TLE4: variants seen among roughly 807,000 people sequenced by gnomAD.
TLE4 encodes transducin-like enhancer protein 4.
A neutral mutation model predicts 92.8 loss-of-function variants in TLE4; 8 were observed. The observed-to-expected ratio is 0.09, with a 90% CI of 0.05 to 0.16. TLE4 has a LOEUF of 0.16. TLE4 is among the 10% of genes least tolerant of loss of function. The pLI, the probability that TLE4 is intolerant of heterozygous loss-of-function variation, is 1.00. For missense variants in TLE4, 675 were observed against 997.6 expected, an observed-to-expected ratio of 0.68 and a Z score of 4.36; for synonymous variants, 371 against 374.1, an observed-to-expected ratio of 0.99 and a Z score of 0.10.
chr9:79,664,292 T>C (rs970732596), intron 8 of TLE4, among the ~76,000 whole-genome samples: 3 of 152,236 alleles, frequency 2.0e-5, no homozygotes, highest in Non-Finnish European at 4.4e-5. Context: ...AAAATTTTTC[T>C]AGTAAATCTG....
chr9:79,724,774 A>G (rs928711525), intron 19 of TLE4, among the ~76,000 whole-genome samples: 2 of 144,236 alleles, frequency 1.4e-5, no homozygotes, highest in Non-Finnish European at 3.0e-5. Context: ...TTGAGCTCAG[A>G]AGGTCGAGGC....
chr9:79,719,011 A>G (rs1294147295), intron 15 of TLE4, 40 bp downstream of exon 15: 1 of 1,574,068 alleles, frequency 6.4e-7, no homozygotes, highest in East Asian at 2.3e-5. Context: ...ACTTTCATTC[A>G]GAAAACAGGA....
chr9:79,652,457 G>T (rs1334492771), intron 6 of TLE4, 136 bp from the exon 7 acceptor site: 1 of 887,654 alleles, frequency 1.1e-6, no homozygotes, highest in Non-Finnish European at 1.8e-6. Flanking sequence ...AAAGTGCTGG[G>T]ATTACAGGCG....
intron 11 of TLE4, among the ~76,000 whole-genome samples, chr9:79,707,506 A>G (rs986329120): frequency 6.6e-6 from 1 of 152,258 alleles, no homozygotes; most frequent in Non-Finnish European, 1.5e-5. Flanking sequence ...ATTTAAAAAA[A>G]GAATAAAAAG....
At chr9:79,582,110 A>G (rs561790238) in intron 4 of TLE4, among the ~76,000 whole-genome samples, 16 of 152,190 alleles carry the variant, frequency 1.1e-4, no homozygotes, top group South Asian at 2.1e-4. Context: ...GTTAATCACC[A>G]TCTTGTGGGC....
intron 16 of TLE4, 31 bp from the exon 17 acceptor site, chr9:79,721,710 A>G (rs1484860170): frequency 6.2e-7 from 1 of 1,613,660 alleles, no homozygotes; most frequent in Admixed American, 1.7e-5. Flanking sequence ...CTAACTTTTC[A>G]AGGGCTTTCC....
At chr9:79,604,219 G>A (rs904206415) in intron 4 of TLE4, among the ~76,000 whole-genome samples, 1 of 152,096 alleles carries the variant, frequency 6.6e-6, no homozygotes, top group African/African-American at 2.4e-5. Context: ...GAAGATCTGG[G>A]GAAGGTGGTT....
intron 8 of TLE4, 87 bp from the exon 9 acceptor site, chr9:79,704,696 A>G (rs934928368): frequency 7.2e-6 from 11 of 1,527,820 alleles, no homozygotes; most frequent in Non-Finnish European, 9.7e-6. Flanking sequence ...AAGAATAAAA[A>G]GAAAAGAAAG....
intron 9 of TLE4, among the ~76,000 whole-genome samples, chr9:79,705,604 A>G (rs906054765): frequency 6.6e-6 from 1 of 152,246 alleles, no homozygotes; most frequent in African/African-American, 2.4e-5. Context: ...CCTCTACTCT[A>G]GAGTAATAAG....
intron 8 of TLE4, among the ~76,000 whole-genome samples, chr9:79,704,205 C>T (rs952706216): frequency 1.3e-5 from 2 of 152,130 alleles, no homozygotes; most frequent in African/African-American, 4.8e-5. Context: ...CATCTGCCTC[C>T]CGGGTTCAAG....
intron 19 of TLE4, among the ~76,000 whole-genome samples, chr9:79,723,981 T>C (rs2076047465): frequency 6.6e-6 from 1 of 152,194 alleles, no homozygotes; most frequent in Non-Finnish European, 1.5e-5. Flanking sequence ...TAAAATCCTG[T>C]GTTGTTTTCA....
At chr9:79,652,541 G>T in intron 6 of TLE4, 52 bp from the exon 7 acceptor site, 1 of 1,595,644 alleles carries the variant, frequency 6.3e-7, no homozygotes, top group South Asian at 1.1e-5. Context: ...TCTTGGGGCA[G>T]GGGTTGGATA....
At chr9:79,667,425 T>A (rs547020185) in intron 8 of TLE4, among the ~76,000 whole-genome samples, 2 of 152,322 alleles carry the variant, frequency 1.3e-5, no homozygotes, top group African/African-American at 4.8e-5. Context: ...CTGTTTTATC[T>A]TAAAATAATT....
chr9:79,711,722 G>C (rs1195061096), intron 14 of TLE4, among the ~76,000 whole-genome samples: 3 of 152,196 alleles, frequency 2.0e-5, no homozygotes, highest in African/African-American at 4.8e-5. Flanking sequence ...TGGTGCTTCT[G>C]AGTCTTGGGC....
At chr9:79,648,100 GC>G (rs1325913104) in intron 6 of TLE4, among the ~76,000 whole-genome samples, 11 of 152,208 alleles carry the variant, frequency 7.2e-5, no homozygotes, top group African/African-American at 2.4e-4. Context: ...GTGGAGTTAG[GC>G]TGATGCTAGT....
Position 79,721,788 on chromosome 9 carries a change from A to G in TLE4, c.1886A>G (p.Asn629Ser). 1 of 1,614,186 alleles carries G rather than the reference A, an allele frequency of 6.2e-7. No homozygotes were observed. The highest frequency in any genetic ancestry group is 8.5e-7 in the Non-Finnish European group (1 of 1,180,022). Residue 629 changes from asparagine to serine, a missense_variant, in exon 17 of 20, where the codon AAT becomes AGT. Transcript: ENST00000376552. ...TDGASCIDIS[N>S]DGTKLWTGGL... ...GGAGCCAGCTGTATTGACATTTCTA[A>G]TGATGGCACCAAGCTCTGGACAGGT... is the stretch of plus-strand genomic sequence containing the variant.
Position 79,718,736 on chromosome 9 carries a change from A to G in TLE4, c.1355A>G (p.His452Arg), listed in dbSNP as rs746430493. 2 of 1,613,488 alleles carry G rather than the reference A, an allele frequency of 1.2e-6. No individual in the cohort carries two copies. Among genetic ancestry groups the G allele is most frequent in the Admixed American group, 1.7e-5 (1 of 59,972 alleles). Residue 452 changes from histidine to arginine, a missense_variant, in exon 15 of 20, where the codon CAT (histidine) becomes CGT (arginine). Coordinates refer to ENST00000376552, the MANE Select transcript of TLE4 (RefSeq NM_007005.6). ...CATTGCCTTAGAGCATACTCCTTCCATGTTAGCGCAGATGGTCAGATGCAG... is the reference window on the plus strand; with the variant it reads ...CATTGCCTTAGAGCATACTCCTTCCGTGTTAGCGCAGATGGTCAGATGCAG... ...IPGGKPAYSFHVSADGQMQPV... is the reference protein window; with the variant it reads ...IPGGKPAYSFRVSADGQMQPV...
intron 5 of TLE4, among the ~76,000 whole-genome samples, chr9:79,615,857 C>T (rs982758090): frequency 1.3e-5 from 2 of 152,146 alleles, no homozygotes; most frequent in Non-Finnish European, 2.9e-5. Flanking sequence ...GTTGCACTCA[C>T]GTACAACTGC....
At position 79,708,160 on chromosome 9, in the gene TLE4, A is replaced by G. The variant is rs13298638; in HGVS notation, c.979A>G (p.Thr327Ala). Residue 327 changes from threonine to alanine, a missense_variant, in exon 12 of 20, where the codon ACT becomes GCT. By Grantham distance (58) the Thr-to-Ala change is moderately conservative. Transcript: ENST00000376552. Reference protein sequence around the residue: ...TTPVSKSNTPTPRTDAPTPGS... With the variant: ...TTPVSKSNTPAPRTDAPTPGS... ...TCCCGTCTCAAAGTCCAATACCCCTACTCCACGAACTGATGCGCCCACCCC... is the reference window on the plus strand; with the variant it reads ...TCCCGTCTCAAAGTCCAATACCCCTGCTCCACGAACTGATGCGCCCACCCC... 6.8e-5 allele frequency: 110 copies of G among 1,613,684 alleles called. No individual in the cohort carries two copies. Among genetic ancestry groups the G allele is most frequent in the Non-Finnish European group, 9.2e-5 (109 of 1,179,916 alleles).
Sources: allele counts gnomAD v4.1 joint callset (sites outside exome capture counted in the v4.1 genomes callset), GRCh38; gene constraint gnomAD v4.1.1; transcripts MANE v1.5; gene names NCBI Gene and HGNC (gene_info 2026-07-23, HGNC 2026-07-21).